LRP8: variants seen among roughly 807,000 people sequenced by gnomAD.
The protein encoded by LRP8 is low-density lipoprotein receptor-related protein 8.
LRP8 carries 46 observed loss-of-function variants against 111.6 expected under a neutral mutation model. The ratio of observed to expected loss-of-function variants is 0.41; its 90% CI spans 0.33 to 0.53. The LOEUF is 0.53. Ranked by LOEUF, LRP8 falls within the 20% of genes least tolerant of loss-of-function variation. LRP8 has a pLI of 0.20. For synonymous variants in LRP8, 464 were observed against 511.2 expected (o/e 0.91, Z 1.24); for missense variants, 959 against 1,297.4 (o/e 0.74, Z 4.01).
intron 16 of LRP8, among the ~76,000 whole-genome samples, chr1:53,252,282 C>T (rs1645923135): frequency 1.3e-5 from 2 of 152,046 alleles, no homozygotes. Flanking sequence ...GTAATACCAA[C>T]ATTTTGGGAG....
At chr1:53,287,777 G>C (rs1349645722) in intron 3 of LRP8, among the ~76,000 whole-genome samples, 1 of 152,134 alleles carries the variant, frequency 6.6e-6, no homozygotes, top group African/African-American at 2.4e-5. Context: ...CCAGGGGATG[G>C]GAAGGCAGCA....
chr1:53,326,767 C>T (rs572581612), intron 2 of LRP8, 106 bp downstream of exon 2: 3 of 1,488,858 alleles, frequency 2.0e-6, no homozygotes, highest in South Asian at 1.3e-5. Flanking sequence ...CGGCAAGTCC[C>T]GCGCAGGTGG....
chr1:53,272,649 G>A, intron 6 of LRP8: 1 of 1,289,550 alleles, frequency 7.8e-7, no homozygotes, highest in Non-Finnish European at 1.0e-6. Flanking sequence ...GGAACTGAAA[G>A]AACAAGACCA....
intron 16 of LRP8, among the ~76,000 whole-genome samples, chr1:53,251,910 C>T (rs1042247882): frequency 3.3e-5 from 5 of 151,580 alleles, no homozygotes; most frequent in Admixed American, 6.6e-5. Flanking sequence ...GGCATGGTGG[C>T]GGGCACCTGT....
chr1:53,315,982 A>G (rs1462264473), intron 2 of LRP8, among the ~76,000 whole-genome samples: 3 of 151,930 alleles, frequency 2.0e-5, no homozygotes, highest in Admixed American at 6.6e-5. Context: ...GGTGGCAGAG[A>G]GAACAGGGGC....
rs577681694 is a variant in LRP8, at chr1:53,309,141, C to T, written c.244+17732G>A. Among the ~76,000 whole-genome samples the T allele has an allele frequency of 7.9e-5, 12 of 152,170 alleles. No individual in the cohort carries two copies. In the South Asian group the frequency reaches 1.2e-3, roughly 16 times the overall value. On this transcript the variant is annotated intron_variant, in intron 2 of 18. Coordinates refer to ENST00000306052, the MANE Select transcript of LRP8 (RefSeq NM_004631.5). ...AATACAAAAATTAGCTGGGCATGGT[C>T]GCAGGCGCCTGTAATGCCAGCTACT...
intron 2 of LRP8, among the ~76,000 whole-genome samples, chr1:53,311,249 C>A (rs1652939242): frequency 6.6e-6 from 1 of 152,062 alleles, no homozygotes; most frequent in Admixed American, 6.5e-5. Context: ...CAGGGAGGGC[C>A]CTGCTGGCAG....
intron 14 of LRP8, 49 bp from the exon 15 acceptor site, chr1:53,257,513 CT>C (rs1557754888): frequency 1.4e-6 from 2 of 1,457,130 alleles, no homozygotes; most frequent in South Asian, 2.3e-5. Context: ...ATTTTGTTGC[CT>C]AAGGTATTGC....
rs1275712339 is a variant in LRP8, at chr1:53,249,629, A to T, written c.2677-73T>A. ...CCCCTGACTGTGCTGTATAACAGTG[A>T]CACCTGCTGTGCCACTTTGTGGTCC... On this transcript the variant is annotated intron_variant, in intron 17 of 18. Coordinates refer to ENST00000306052, the MANE Select transcript of LRP8 (RefSeq NM_004631.5). The surrounding 1 kb of genome is among the most constrained non-coding windows in gnomAD (Gnocchi z 4.1). 7 of 1,463,792 alleles carry T rather than the reference A, an allele frequency of 4.8e-6. No individual in the cohort carries two copies. Among genetic ancestry groups the T allele is most frequent in the Non-Finnish European group, 6.3e-6 (7 of 1,106,670 alleles). The allele number at this position is 1,463,792 out of a possible 1,614,324, so 90.7% of individuals were successfully genotyped here.
chr1:53,313,673 G>A (rs956371626), intron 2 of LRP8, among the ~76,000 whole-genome samples: 8 of 152,150 alleles, frequency 5.3e-5, no homozygotes, highest in African/African-American at 1.7e-4. Context: ...ATGCAAAAGG[G>A]CCTGAGGCTT....
At chr1:53,320,480 G>A (rs1465964964) in intron 2 of LRP8, among the ~76,000 whole-genome samples, 4 of 152,204 alleles carry the variant, frequency 2.6e-5, no homozygotes, top group Non-Finnish European at 5.9e-5. Context: ...CTAAGCCTGG[G>A]TGCGAGGAGG....
intron 2 of LRP8, among the ~76,000 whole-genome samples, chr1:53,301,268 T>C (rs1340885018): frequency 6.6e-6 from 1 of 152,060 alleles, no homozygotes; most frequent in East Asian, 1.9e-4. Context: ...CCAAGAGAAA[T>C]CTAGCAGACT....
chr1:53,320,373 T>C (rs1654348858), intron 2 of LRP8, among the ~76,000 whole-genome samples: 1 of 152,136 alleles, frequency 6.6e-6, no homozygotes, highest in African/African-American at 2.4e-5. Flanking sequence ...CAGTTCTGAC[T>C]CCAGTCCCAC....
chr1:53,326,387 G>T (rs991140663), intron 2 of LRP8, among the ~76,000 whole-genome samples: 1 of 152,210 alleles, frequency 6.6e-6, no homozygotes, highest in Non-Finnish European at 1.5e-5. Flanking sequence ...CCTATGGGGT[G>T]GTCCTCGCCC....
At chr1:53,274,559 A>G (rs1646858087) in intron 6 of LRP8, 1 of 395,066 alleles carries the variant, frequency 2.5e-6, no homozygotes, top group Admixed American at 2.8e-5. Flanking sequence ...ATGTGAAGCC[A>G]TAGGACGGCA....
rs1210647083 is a variant in LRP8 at position 53,275,949 on chromosome 1, G to A, written c.884-196C>T. On this transcript the variant is annotated intron_variant, in intron 5 of 18. Transcript: ENST00000306052. This position sits in a 1 kb window ranked among gnomAD's most constrained non-coding sequence, Gnocchi z 4.4. ...AGACTGAAGCTCAGAGAGGGGGAAG[G>A]CCTTGCCCAGGGTCACACAGCACTC... is the stretch of plus-strand genomic sequence containing the variant. 1.3e-5 allele frequency among the ~76,000 whole-genome samples: 2 copies of A among 152,148 alleles called. No homozygotes were observed. Among genetic ancestry groups the A allele is most frequent in the Non-Finnish European group, 2.9e-5 (2 of 68,022 alleles).
At chr1:53,276,069 T>G (rs964465798) in intron 5 of LRP8, among the ~76,000 whole-genome samples, 2 of 152,196 alleles carry the variant, frequency 1.3e-5, no homozygotes, top group African/African-American at 4.8e-5. Context: ...CGGCCTTCTT[T>G]TGAGTCTTGG....
rs919005250 is a variant in LRP8 at position 53,275,008 on chromosome 1, T to C, written c.1006+623A>G. 6.6e-6 allele frequency among the ~76,000 whole-genome samples: 1 copy of C among 152,092 alleles called. No homozygotes were observed. The highest frequency in any genetic ancestry group is 1.5e-5 in the Non-Finnish European group (1 of 67,994). ...TGCTCACAGGACAGGATCCCAGGGA[T>C]GATTAGGAGGCTAAGCCTCATGTAG... On this transcript the variant is annotated intron_variant, in intron 6 of 18. Transcript: ENST00000306052. This position sits in a 1 kb window ranked among gnomAD's most constrained non-coding sequence, Gnocchi z 4.4.
chr1:53,299,398 C>T (rs895077166), intron 2 of LRP8, among the ~76,000 whole-genome samples: 1 of 152,230 alleles, frequency 6.6e-6, no homozygotes, highest in African/African-American at 2.4e-5. Context: ...GAAGCATTTC[C>T]TAGCAGGAGC....
Sources: gnomAD v4.1 joint callset for allele counts (sites outside exome capture counted in the v4.1 genomes callset) on GRCh38, gnomAD v4.1.1 for gene constraint, Gnocchi (gnomAD v3.1) non-coding constraint, MANE v1.5 for transcripts, NCBI Gene and HGNC (gene_info 2026-07-23, HGNC 2026-07-21) for gene names.